Variants in PTGES2 observed in about 807,000 individuals in gnomAD.
PTGES2 encodes prostaglandin E synthase 2, also known as GATE-binding factor 1.
PTGES2 carries 35 observed loss-of-function variants against 44.5 expected under a neutral mutation model. The observed-to-expected ratio is 0.79, with a 90% CI of 0.60 to 1.04. The LOEUF (loss-of-function observed/expected upper bound fraction) is 1.04. PTGES2 is among the 50% of genes least tolerant of loss of function. The pLI is 0.00. For missense variants in PTGES2, 517 were observed against 521.4 expected (o/e 0.99, Z 0.08); for synonymous variants, 221 against 227.5 (o/e 0.97, Z 0.26).
chr9:128,124,698 T>C (rs1834553335), intron 2 of PTGES2, 148 bp from the exon 3 acceptor site: 3 of 1,294,086 alleles, frequency 2.3e-6, no homozygotes, highest in South Asian at 2.9e-5. Flanking sequence ...AGGGCACCCA[T>C]CCTAAGTAGG....
Position 128,125,360 on chromosome 9 carries a change from C to G in PTGES2, c.361G>C (p.Asp121His), listed in dbSNP as rs751725914. 6.2e-7 allele frequency: 1 copy of G among 1,614,098 alleles called. No individual in the cohort carries two copies. Among genetic ancestry groups the G allele is most frequent in the Non-Finnish European group, 8.5e-7 (1 of 1,180,006 alleles). ...ACCTGGTAGGGCAGGGCATGGAAGT[C>G]GAGGAAGGCTCGGACCTTGCTGCAG... is the stretch of plus-strand genomic sequence containing the variant. ...PFCSKVRAFL[D>H]FHALPYQVVE... The change falls in exon 2 of 7, where the codon GAC becomes CAC. Residue 121 changes from aspartate to histidine, a missense_variant. Physicochemically the swap from Asp to His is moderately conservative, Grantham distance 81 (BLOSUM62 -1). Transcript: ENST00000338961.
intron 6 of PTGES2, among the ~76,000 whole-genome samples, chr9:128,121,831 T>C (rs1834420422): frequency 6.6e-6 from 1 of 151,832 alleles, no homozygotes; most frequent in Admixed American, 6.5e-5. Flanking sequence ...AAGAATTGCT[T>C]GAACCTGGGA....
rs1434509247 is a variant in PTGES2, at chr9:128,122,464, G to T, written c.903C>A (p.Asp301Glu). The T allele has an allele frequency of 6.2e-7, 1 of 1,614,070 alleles. No homozygotes were observed. The highest frequency in any genetic ancestry group is 1.7e-5 in the Admixed American group (1 of 60,026). Residue 301 changes from aspartate (D) to glutamate (E), a missense_variant, in exon 6 of 7, where the codon GAC becomes GAA. Coordinates refer to ENST00000338961, the MANE Select transcript of PTGES2 (RefSeq NM_025072.7). ...CCTCATAGAGGTCCTCGCGCACGTTGTCCTGGAGGCGGTGCCTGGGCGGGG... is the reference window on the plus strand; with the variant it reads ...CCTCATAGAGGTCCTCGCGCACGTTTTCCTGGAGGCGGTGCCTGGGCGGGG... ...KRLKSRHRLQ[D>E]NVREDLYEAA...
chr9:128,123,248 G>T lies in PTGES2; in HGVS notation c.687-114C>A. On this transcript the variant is annotated intron_variant, in intron 4 of 6. Transcript: ENST00000338961. This position sits in a 1 kb window ranked among gnomAD's most constrained non-coding sequence, Gnocchi z 4.4. ...GGGAAGCTGAAGCCTGAGCAGGAAG[G>T]TCTTTTTTTTTTTTTTGAGACAAAG... The T allele has an allele frequency of 1.1e-6, 1 of 924,710 alleles. No individual in the cohort carries two copies. Among genetic ancestry groups the T allele is most frequent in the Non-Finnish European group, 1.5e-6 (1 of 654,874 alleles). 57.3% of individuals were successfully genotyped at this position (924,710 alleles called of 1,614,324 possible).
chr9:128,123,068 G>A lies in PTGES2; in HGVS notation c.753C>T (p.Tyr251=), dbSNP rs1382142660. The A allele has an allele frequency of 2.5e-6, 4 of 1,612,676 alleles. No homozygotes were observed. Among genetic ancestry groups the A allele is most frequent in the African/African-American group, 1.3e-5 (1 of 74,792 alleles). ...WLVHLISPNV[Y]RTPTEALASF... Reference sequence around the variant, plus strand: ...ACGCCAGAGCCTCGGTGGGCGTGCGGTACACATTGGGGGAGATCAGGTGCA... The same window carrying A: ...ACGCCAGAGCCTCGGTGGGCGTGCGATACACATTGGGGGAGATCAGGTGCA... The change falls in exon 5 of 7, where the codon TAC becomes TAT. Residue 251 remains tyrosine (Y), a synonymous_variant. Transcript: ENST00000338961. This position sits in a 1 kb window ranked among gnomAD's most constrained non-coding sequence, Gnocchi z 4.4.
chr9:128,127,190 C>CGAAAA lies in PTGES2; in HGVS notation c.279+248_279+249insTTTTC, dbSNP rs1834652522. ...TGTCTCGAAAACATAAATAAACAAA[C>CGAAAA]CAAAAAAAAAAAAAAAAAAAAAACC... On this transcript the variant is annotated intron_variant, in intron 1 of 6. Coordinates refer to ENST00000338961, the MANE Select transcript of PTGES2 (RefSeq NM_025072.7). 4.1e-3 allele frequency among the ~76,000 whole-genome samples: 4 copies of CGAAAA among 974 alleles called. No individual in the cohort carries two copies. The Admixed American group carries it at 0.11, about 27-fold the overall frequency. The allele number at this position is 974 out of a possible 152,430, so 0.6% of individuals were successfully genotyped here.
rs759728699 is a variant in PTGES2, at chr9:128,127,477, G to C, written c.241C>G (p.Arg81Gly). 7.1e-7 allele frequency: 1 copy of C among 1,401,972 alleles called. No individual in the cohort carries two copies. The highest frequency in any genetic ancestry group is 9.3e-7 in the Non-Finnish European group (1 of 1,073,616). 86.8% of individuals were successfully genotyped at this position (1,401,972 alleles called of 1,614,324 possible). The change falls in exon 1 of 7, where the codon CGC (arginine) becomes GGC (glycine). Residue 81 changes from arginine to glycine, a missense_variant. Coordinates refer to ENST00000338961, the MANE Select transcript of PTGES2 (RefSeq NM_025072.7). ...CGCTCTGCGTGGAGGTCCTGGGCGC[G>C]CAGGTGCCACCGCGCCGTGTGGTAC... ...GLYHTARWHLRAQDLHAERSA... is the reference protein window; with the variant it reads ...GLYHTARWHLGAQDLHAERSA...
rs1373889895 is a variant in PTGES2, at chr9:128,121,184, C to G, written c.1095G>C (p.Arg365=). Residue 365 remains arginine (R), a synonymous_variant, in exon 7 of 7, where the codon CGG becomes CGC. Coordinates refer to ENST00000338961, the MANE Select transcript of PTGES2 (RefSeq NM_025072.7). ...AGGCCTCGGTGATGGCCCTCTCCAC[C>G]CGCAGGTACCAGGGCTGGATGTGCG... is the stretch of plus-strand genomic sequence containing the variant. The part of the protein sequence containing the change: ...QHTHIQPWYL[R]VERAITEASP... 1 of 1,592,834 alleles carries G rather than the reference C, an allele frequency of 6.3e-7. No homozygotes were observed. Among genetic ancestry groups the G allele is most frequent in the African/African-American group, 1.3e-5 (1 of 74,664 alleles).
chr9:128,127,879 C>T (rs529207835), upstream of PTGES2: 148 of 730,036 alleles, frequency 2.0e-4, no homozygotes, highest in Non-Finnish European at 2.5e-4. Context: ...GCCCGGCGCC[C>T]AAGTTCGAAA....
rs1370632105 is a variant in PTGES2, at chr9:128,125,392, C to A, written c.329G>T (p.Cys110Phe). ...GGCTCGGACCTTGCTGCAGAAGGGA[C>A]ACGTCTTGTACTGGTACAGGGTCAG... ...LQLTLYQYKT[C>F]PFCSKVRAFL... Residue 110 changes from cysteine to phenylalanine, a missense_variant, in exon 2 of 7, where the codon TGT becomes TTT. Transcript: ENST00000338961. 4 of 1,614,054 alleles carry A rather than the reference C, an allele frequency of 2.5e-6. No homozygotes were observed. Among genetic ancestry groups the A allele is most frequent in the Non-Finnish European group, 3.4e-6 (4 of 1,180,022 alleles).
chr9:128,122,532 A>T, intron 5 of PTGES2, 53 bp from the exon 6 acceptor site: 2 of 1,478,782 alleles, frequency 1.4e-6, no homozygotes, highest in Non-Finnish European at 1.9e-6. Context: ...CCAGCCCAGC[A>T]GGGAAGAGGG....
chr9:128,127,952 C>T (rs1249592095), upstream of PTGES2: 11 of 423,758 alleles, frequency 2.6e-5, no homozygotes, highest in African/African-American at 1.0e-4. Context: ...GCTTCCGCCT[C>T]CAAAGGCTCT....
chr9:128,122,905 G>A, intron 5 of PTGES2, 29 bp downstream of exon 5: 1 of 1,610,024 alleles, frequency 6.2e-7, no homozygotes, highest in Non-Finnish European at 8.5e-7. Context: ...CTCGGGGACA[G>A]CAGGCCCCGG....
chr9:128,122,472 G>A lies in PTGES2; in HGVS notation c.895C>T (p.Leu299Phe), dbSNP rs1834451244. Residue 299 changes from leucine (L) to phenylalanine (F), a missense_variant, in exon 6 of 7, where the codon CTC (leucine) becomes TTC (phenylalanine). Leu to Phe is a conservative substitution (Grantham distance 22). Transcript: ENST00000338961. Reference sequence around the variant, plus strand: ...AGGTCCTCGCGCACGTTGTCCTGGAGGCGGTGCCTGGGCGGGGAAGGGAAA... The same window carrying A: ...AGGTCCTCGCGCACGTTGTCCTGGAAGCGGTGCCTGGGCGGGGAAGGGAAA... Reference protein sequence around the residue: ...ISKRLKSRHRLQDNVREDLYE... With the variant: ...ISKRLKSRHRFQDNVREDLYE... The A allele has an allele frequency of 3.1e-6, 5 of 1,613,922 alleles. No individual in the cohort carries two copies. Among genetic ancestry groups the A allele is most frequent in the Non-Finnish European group, 4.2e-6 (5 of 1,179,868 alleles).
chr9:128,127,999 TCTC>T (rs10588898), upstream of PTGES2: 1,670 of 434,842 alleles, frequency 3.8e-3, 27 homozygotes, highest in African/African-American at 0.032. Context: ...GGGGCGAACG[TCTC>T]CTCGCCCCAC....
At position 128,127,687 on chromosome 9, in the gene PTGES2, G is replaced by A; in HGVS notation, c.31C>T (p.Leu11=). Residue 11 remains leucine, a synonymous_variant, in exon 1 of 7, where the codon CTG becomes TTG. Coordinates refer to ENST00000338961, the MANE Select transcript of PTGES2 (RefSeq NM_025072.7). The part of the protein sequence containing the change: MDPAARVVRA[L]WPGGCALAWR... ...GCCAAGGCGCACCCACCAGGCCACAGCGCCCGCACCACCCGCGCAGCCGGG... is the reference window on the plus strand; with the variant it reads ...GCCAAGGCGCACCCACCAGGCCACAACGCCCGCACCACCCGCGCAGCCGGG... 2 of 1,289,730 alleles carry A rather than the reference G, an allele frequency of 1.6e-6. No individual in the cohort carries two copies. Among genetic ancestry groups the A allele is most frequent in the Non-Finnish European group, 2.0e-6 (2 of 1,018,846 alleles). The allele number at this position is 1,289,730 out of a possible 1,614,324, so 79.9% of individuals were successfully genotyped here.
rs943092663 is a variant in PTGES2, at chr9:128,122,947, G to A, written c.874C>T (p.Arg292Ter). 11 of 1,614,044 alleles carry A rather than the reference G, an allele frequency of 6.8e-6. No homozygotes were observed. Among genetic ancestry groups the A allele is most frequent in the Middle Eastern group, 1.6e-4 (1 of 6,062 alleles). ...ACACACACTTGCCTGCTCTTGAGTC[G>A]CTTGCTGATGAGGTACATGGCCGCT... ...GAAAMYLISK[R>*]LKSRHRLQDN... Residue 292 changes from arginine (R) to a stop codon, truncating the protein, a stop_gained, in exon 5 of 7, where the codon CGA (arginine) becomes TGA (stop). Coordinates refer to ENST00000338961, the MANE Select transcript of PTGES2 (RefSeq NM_025072.7). LOFTEE classifies it high-confidence loss of function.
Position 128,127,502 on chromosome 9 carries a change from C to CAGCCCCAGGGCT in PTGES2, c.204_215dup (p.Ala69_Leu72dup), listed in dbSNP as rs1001159700. ...GCAGGTGCCACCGCGCCGTGTGGTA[C>CAGCCCCAGGGCT]AGCCCCAGGGCTCCCCCCAGGGCCA... On this transcript the variant is annotated inframe_insertion, in exon 1 of 7. Coordinates refer to ENST00000338961, the MANE Select transcript of PTGES2 (RefSeq NM_025072.7). The CAGCCCCAGGGCT allele has an allele frequency of 4.4e-6, 6 of 1,378,294 alleles. No individual in the cohort carries two copies. Among genetic ancestry groups the CAGCCCCAGGGCT allele is most frequent in the Admixed American group, 2.8e-5 (1 of 35,652 alleles). The allele number at this position is 1,378,294 out of a possible 1,614,324, so 85.4% of individuals were successfully genotyped here. A position where few individuals can be genotyped will look rare whatever the true frequency, so the allele number is the denominator to read the frequency against.
intron 1 of PTGES2, among the ~76,000 whole-genome samples, chr9:128,127,224 A>C (rs1456322262): frequency 6.9e-6 from 1 of 145,566 alleles, no homozygotes; most frequent in Non-Finnish European, 1.5e-5. Flanking sequence ...CCACGGTAGA[A>C]GAACGATTTT....
Sources: allele counts gnomAD v4.1 joint callset (sites outside exome capture counted in the v4.1 genomes callset), GRCh38; gene constraint gnomAD v4.1.1; non-coding constraint Gnocchi (gnomAD v3.1); transcripts MANE v1.5; gene names NCBI Gene and HGNC (gene_info 2026-07-23, HGNC 2026-07-21).